Variants in PLEC observed in about 807,000 individuals in gnomAD.
The protein encoded by PLEC is hemidesmosomal protein 1.
PLEC carries 216 observed loss-of-function variants against 392.8 expected under a neutral mutation model. That is an observed-to-expected ratio of 0.55 (90% confidence interval 0.49 to 0.62). The LOEUF is 0.62. Ranked by LOEUF, PLEC falls within the 20% of genes least tolerant of loss-of-function variation. The pLI, the probability that PLEC is intolerant of heterozygous loss-of-function variation, is 0.00. For synonymous variants in PLEC, 3,621 were observed against 2,980.6 expected, an observed-to-expected ratio of 1.21 and a Z score of -7.00; for missense variants, 6,863 against 6,563.4, an observed-to-expected ratio of 1.05 and a Z score of -1.58.
Position 143,921,228 on chromosome 8 carries a change from G to C in PLEC, c.8593C>G (p.Leu2865Val), listed in dbSNP as rs201422698. The C allele has an allele frequency of 1.2e-6, 2 of 1,614,146 alleles. No homozygotes were observed. The highest frequency in any genetic ancestry group is 1.3e-5 in the African/African-American group (1 of 75,068). The change falls in exon 32 of 32, where the codon CTG (leucine) becomes GTG (valine). Residue 2865 changes from leucine to valine, a missense_variant. Transcript: ENST00000345136. The stretch of plus-strand genomic sequence containing the variant: ...TCCACGCAGCGCTCCAGTAGCTGCA[G>C]GTACGTGAGGTTCTCGTGCGTGTTG... ...DPNTHENLTY[L>V]QLLERCVEDP...
At position 143,925,599 on chromosome 8, in the gene PLEC, C is replaced by T. The variant is rs1554703332; in HGVS notation, c.4330G>A (p.Glu1444Lys). Reference sequence around the variant, plus strand: ...TCCTCGATGCGCAGCCGGCTGCGCTCAGCCGCCTCTGCCTGCCGGGCCTTG... The same window carrying T: ...TCCTCGATGCGCAGCCGGCTGCGCTTAGCCGCCTCTGCCTGCCGGGCCTTG... ...QAKARQAEAA[E>K]RSRLRIEEEI... is the part of the protein sequence containing the mutation. The change falls in exon 31 of 32, where the codon GAG becomes AAG. Residue 1444 changes from glutamate to lysine, a missense_variant. Physicochemically the swap from Glu to Lys is moderately conservative, Grantham distance 56. Transcript: ENST00000345136. 3.2e-6 allele frequency: 5 copies of T among 1,571,154 alleles called. No homozygotes were observed. Among genetic ancestry groups the T allele is most frequent in the Non-Finnish European group, 4.3e-6 (5 of 1,166,676 alleles).
At chr8:143,941,898 A>T (rs1386654293), upstream of PLEC, among the ~76,000 whole-genome samples, 1 of 152,040 alleles carries the variant, frequency 6.6e-6, no homozygotes, top group Non-Finnish European at 1.5e-5. Context: ...GTCCCTCACG[A>T]CAGGCACTGC....
rs1267219186 is a variant in PLEC, at chr8:143,927,001, C to T, written c.3921G>A (p.Ser1307=). Reference sequence around the variant, plus strand: ...CCTCCTGGATGACACTCTCTGATCCCGACTGGACCTTGGGCTTCTTGGCCG... The same window carrying T: ...CCTCCTGGATGACACTCTCTGATCCTGACTGGACCTTGGGCTTCTTGGCCG... ...ASPAKKPKVQ[S]GSESVIQEYV... is the part of the protein sequence containing the mutation. Residue 1307 remains serine (S), a synonymous_variant, in exon 29 of 32, where the codon TCG becomes TCA. Transcript: ENST00000345136. The T allele has an allele frequency of 7.4e-6, 12 of 1,613,058 alleles. No individual in the cohort carries two copies. The highest frequency in any genetic ancestry group is 1.6e-4 in the Middle Eastern group (1 of 6,084).
chr8:143,933,846 C>T, intron 12 of PLEC, 152 bp downstream of exon 12: 1 of 679,684 alleles, frequency 1.5e-6, no homozygotes, highest in South Asian at 1.7e-5. Flanking sequence ...GGGAGGAGCT[C>T]AGGCCTGGAT....
rs781913105 is a variant in PLEC, at chr8:143,917,287, C to G, written c.12534G>C (p.Trp4178Cys). Residue 4178 changes from tryptophan to cysteine, a missense_variant, in exon 32 of 32, where the codon TGG (tryptophan) becomes TGC (cysteine). Coordinates refer to ENST00000345136, the MANE Select transcript of PLEC (RefSeq NM_201384.3). ...CCGAGGAGGAGATGGTGATCTCCTC[C>G]CACTCGCACTCCTGCTCGGACAGCT... is the stretch of plus-strand genomic sequence containing the variant. ...YLELSEQECE[W>C]EEITISSSDG... The G allele has an allele frequency of 6.2e-7, 1 of 1,609,610 alleles. No homozygotes were observed. Among genetic ancestry groups the G allele is most frequent in the Admixed American group, 1.7e-5 (1 of 60,006 alleles).
chr8:143,940,368 G>A (rs1209030288), upstream of PLEC, among the ~76,000 whole-genome samples: 1 of 152,234 alleles, frequency 6.6e-6, no homozygotes, highest in Admixed American at 6.5e-5. Context: ...TCGCCAGTGA[G>A]TCAGGGATGG....
rs1387927808 is a variant in PLEC at position 143,969,145 on chromosome 8, G to A, written c.70+4258C>T. Among the ~76,000 whole-genome samples, 41 of 152,196 alleles carry A rather than the reference G, an allele frequency of 2.7e-4. No homozygotes were observed. The highest frequency in any genetic ancestry group is 1.2e-4 in the Non-Finnish European group (8 of 68,036). ...CTGATAAACGCATAAGCAAAAGTGG[G>A]CACTTCCACACCACGGAACCGACTC... On this transcript the variant is annotated intron_variant, in intron 1 of 31. Coordinates refer to the PLEC transcript ENST00000356346. The surrounding 1 kb of genome is among the most constrained non-coding windows in gnomAD (Gnocchi z 5.1).
chr8:143,940,734 T>C (rs1163698586), upstream of PLEC, among the ~76,000 whole-genome samples: 2 of 152,154 alleles, frequency 1.3e-5, no homozygotes, highest in African/African-American at 2.4e-5. Context: ...ACCTCATTCC[T>C]ACTGCCCCTG....
At position 143,917,177 on chromosome 8, in the gene PLEC, T is replaced by C; in HGVS notation, c.12644A>G (p.Asp4215Gly). The change falls in exon 32 of 32, where the codon GAC (aspartate) becomes GGC (glycine). Residue 4215 changes from aspartate to glycine, a missense_variant. By Grantham distance (94) the Asp-to-Gly change is moderately conservative (BLOSUM62 -1). Coordinates refer to ENST00000345136, the MANE Select transcript of PLEC (RefSeq NM_201384.3). ...IDDAIAKNLI[D>G]RSALDQYRAG... ...GCGGTACTGGTCCAGTGCCGAGCGGTCGATGAGGTTCTTGGCGATGGCATC... is the reference window on the plus strand; with the variant it reads ...GCGGTACTGGTCCAGTGCCGAGCGGCCGATGAGGTTCTTGGCGATGGCATC... 1 of 1,612,088 alleles carries C rather than the reference T, an allele frequency of 6.2e-7. No homozygotes were observed.
rs782684733 is a variant in PLEC at position 143,932,115 on chromosome 8, C to A, written c.2082+15G>T. ...GGCCCCCCCCGCAGCCCCGCCCCTACCCAGGGAGCCCCACCTCCACCGTGG... is the reference window on the plus strand; with the variant it reads ...GGCCCCCCCCGCAGCCCCGCCCCTAACCAGGGAGCCCCACCTCCACCGTGG... On this transcript the variant is annotated intron_variant, in intron 17 of 31. Coordinates refer to ENST00000345136, the MANE Select transcript of PLEC (RefSeq NM_201384.3). The A allele has an allele frequency of 5.0e-5, 81 of 1,606,888 alleles. No individual in the cohort carries two copies. The highest frequency in any genetic ancestry group is 6.5e-5 in the Non-Finnish European group (76 of 1,177,728).
At chr8:143,932,600 AC>A in intron 15 of PLEC, 34 bp downstream of exon 15, 1 of 1,611,816 alleles carries the variant, frequency 6.2e-7, no homozygotes, top group Non-Finnish European at 8.5e-7. Context: ...GCCGCGGGCT[AC>A]CCACCTCCCC....
rs781943555 is a variant in PLEC, at chr8:143,923,726, G to A, written c.6203C>T (p.Thr2068Met). The change falls in exon 31 of 32, where the codon ACG becomes ATG. Residue 2068 changes from threonine (T) to methionine (M), a missense_variant. Coordinates refer to ENST00000345136, the MANE Select transcript of PLEC (RefSeq NM_201384.3). The part of the protein sequence containing the change: ...VQQKEQELQQ[T>M]LQQEQSVLDQ... ...CAGCACGCTCTGCTCCTGCTGCAGC[G>A]TCTGCTGTAGCTCCTGCTCCTTCTG... The A allele has an allele frequency of 2.8e-5, 44 of 1,544,696 alleles. No homozygotes were observed. The highest frequency in any genetic ancestry group is 7.6e-5 in the Admixed American group (4 of 52,460).
rs749212061 is a variant in PLEC, at chr8:143,917,415, C to T, written c.12406G>A (p.Val4136Met). Reference sequence around the variant, plus strand: ...ACGATGACCACTCGGCGCTTGCGCACGGAGGACTTGGAGGACGTCTTCCGC... The same window carrying T: ...ACGATGACCACTCGGCGCTTGCGCATGGAGGACTTGGAGGACGTCTTCCGC... ...RERKTSSKSS[V>M]RKRRVVIVDP... The change falls in exon 32 of 32, where the codon GTG becomes ATG. Residue 4136 changes from valine (V) to methionine (M), a missense_variant. Val to Met is a conservative substitution (Grantham distance 21, BLOSUM62 1). Transcript: ENST00000345136. 12 of 1,612,856 alleles carry T rather than the reference C, an allele frequency of 7.4e-6. No individual in the cohort carries two copies. The highest frequency in any genetic ancestry group is 2.2e-5 in the East Asian group (1 of 44,878).
At chr8:143,932,765 G>T in intron 14 of PLEC, 28 bp downstream of exon 14, 1 of 1,610,008 alleles carries the variant, frequency 6.2e-7, no homozygotes, top group South Asian at 1.1e-5. Flanking sequence ...GCCCACCCCC[G>T]CACTGCCCAT....
chr8:143,948,314 C>T (rs983702884), intron 1 of PLEC, among the ~76,000 whole-genome samples: 3 of 152,250 alleles, frequency 2.0e-5, no homozygotes, highest in Admixed American at 6.5e-5. Context: ...ACCCACGGAG[C>T]GGCTGTGCAG....
intron 18 of PLEC, 67 bp downstream of exon 18, chr8:143,931,870 G>A (rs1554715773): frequency 9.5e-6 from 14 of 1,469,680 alleles, no homozygotes; most frequent in Middle Eastern, 2.3e-4. Flanking sequence ...TGGAGCTGCC[G>A]AGGGGGTCCA....
At chr8:143,975,096 G>A (rs1478342235), upstream of PLEC, 28 of 1,490,356 alleles carry the variant, frequency 1.9e-5, no homozygotes, top group Admixed American at 4.2e-4. The surrounding 1 kb of genome is among the most constrained non-coding windows in gnomAD (Gnocchi z 9.9). Context: ...CCCAGTCCCC[G>A]CTCCAGCGCC....
exon 1 of PLEC, chr8:143,950,777 G>A (rs986009560): frequency 1.3e-5 from 20 of 1,530,068 alleles, no homozygotes; most frequent in South Asian, 4.8e-5. Flanking sequence ...GGCCCGGGGC[G>A]CTGCGAGAAG....
rs3135109 is a variant in PLEC at position 143,927,616 on chromosome 8, A to G, written c.3550T>C (p.Leu1184=). The change falls in exon 27 of 32, where the codon TTG becomes CTG. Residue 1184 remains leucine (L), a synonymous_variant. Transcript: ENST00000345136. ...AGCACAGCCTGCCAGCGCTCAAGCA[A>G]CTGGGCGACCCGCTCCCGCCAGCGC... ...VERWRERVAQ[L]LERWQAVLAQ... 0.39 allele frequency: 612,324 copies of G among 1,582,652 alleles called. 124,823 individuals carry two copies. The highest frequency in any genetic ancestry group is 0.42 in the Non-Finnish European group (491,969 of 1,169,554).
Sources: gnomAD v4.1 joint callset for allele counts (sites outside exome capture counted in the v4.1 genomes callset) on GRCh38, gnomAD v4.1.1 for gene constraint, Gnocchi (gnomAD v3.1) non-coding constraint, MANE v1.5 for transcripts, NCBI Gene and HGNC (gene_info 2026-07-23, HGNC 2026-07-21) for gene names.